Variants in AR observed in about 807,000 individuals in gnomAD.
AR encodes the protein dihydrotestosterone receptor.
AR carries 8 observed loss-of-function variants against 53.9 expected under a neutral mutation model. The observed-to-expected ratio is 0.15, with a 90% confidence interval of 0.09 to 0.27. The LOEUF (loss-of-function observed/expected upper bound fraction) is 0.27, where lower values mean the gene tolerates loss of function less well. Ranked by LOEUF, AR falls within the 10% of genes least tolerant of loss-of-function variation. The pLI, the probability that AR is intolerant of heterozygous loss-of-function variation, is 1.00. For synonymous variants in AR, 359 were observed against 316.4 expected (o/e 1.13, Z -1.43); for missense variants, 639 against 742.5 (o/e 0.86, Z 1.62).
intron 1 of AR, among the ~76,000 whole-genome samples, chrX:67,567,336 C>A (rs1425878437): frequency 9.0e-6 from 1 of 111,490 alleles, no homozygotes; most frequent in Admixed American, 9.5e-5. Flanking sequence ...CTTGTCATCT[C>A]TTTTTTACTT....
intron 1 of AR, among the ~76,000 whole-genome samples, chrX:67,608,370 C>G (rs1923726325): frequency 8.9e-6 from 1 of 112,028 alleles, no homozygotes; most frequent in Non-Finnish European, 1.9e-5. Flanking sequence ...CATTCTATCT[C>G]TATTCTCCTT....
chrX:67,685,150 CTG>C (rs1569305506), intron 2 of AR, among the ~76,000 whole-genome samples: 1 of 111,738 alleles, frequency 8.9e-6, no homozygotes, highest in Non-Finnish European at 1.9e-5. Context: ...GCTGGTGACT[CTG>C]TGTGTCTATG....
chrX:67,666,457 T>C (rs1927267127), intron 2 of AR, among the ~76,000 whole-genome samples: 5 of 112,210 alleles, frequency 4.5e-5, no homozygotes. Flanking sequence ...TTCATCCATT[T>C]GTCTGTTGAT....
At chrX:67,663,472 T>C (rs1363483031) in intron 2 of AR, among the ~76,000 whole-genome samples, 1 of 112,623 alleles carries the variant, frequency 8.9e-6, no homozygotes, top group East Asian at 2.8e-4. Flanking sequence ...TTCTGGCTTG[T>C]AGAGTTTCTG....
At chrX:67,681,814 A>AT (rs747004684) in intron 2 of AR, among the ~76,000 whole-genome samples, 1 of 112,261 alleles carries the variant, frequency 8.9e-6, no homozygotes, top group Admixed American at 9.4e-5. Flanking sequence ...ACAACCAAAA[A>AT]GTCTTTAAAA....
intron 3 of AR, among the ~76,000 whole-genome samples, chrX:67,697,943 T>C (rs753630212): frequency 8.9e-6 from 1 of 111,943 alleles, no homozygotes; most frequent in East Asian, 2.8e-4. Flanking sequence ...AGAATCTGCC[T>C]TCTACTCTCA....
At chrX:67,710,151 T>A (rs1336666968) in intron 3 of AR, among the ~76,000 whole-genome samples, 1 of 110,275 alleles carries the variant, frequency 9.1e-6, no homozygotes, top group Non-Finnish European at 1.9e-5. Context: ...AAAATCCAAT[T>A]CACTGTTCTT....
chrX:67,576,988 T>TTC (rs1297450807), intron 1 of AR, among the ~76,000 whole-genome samples: 8 of 107,150 alleles, frequency 7.5e-5, no homozygotes, highest in South Asian at 8.2e-4. Flanking sequence ...GTCAATGGGT[T>TTC]TCTCTCTCTC....
At position 67,633,274 on chromosome X, in the gene AR, C is replaced by T. The variant is rs192545889; in HGVS notation, c.1617-9982C>T. Among the ~76,000 whole-genome samples the T allele has an allele frequency of 1.1e-4, 12 of 111,608 alleles. 1 individual carries two copies. The South Asian group carries it at 2.7e-3, about 25-fold the overall frequency. On this transcript the variant is annotated intron_variant, in intron 1 of 7. Transcript: ENST00000374690. The stretch of plus-strand genomic sequence containing the variant: ...GTACCCAATAGGTAGTTTTTCTATC[C>T]TCACCCTCCTCCTACCCTCCACCAT...
intron 1 of AR, among the ~76,000 whole-genome samples, chrX:67,633,271 A>G (rs1188403003): frequency 2.7e-5 from 3 of 111,610 alleles, no homozygotes; most frequent in African/African-American, 9.8e-5. Context: ...TAGTTTTTCT[A>G]TCCTCACCCT....
intron 2 of AR, among the ~76,000 whole-genome samples, chrX:67,667,375 G>A (rs752380458): frequency 2.7e-5 from 3 of 111,161 alleles, no homozygotes; most frequent in Non-Finnish European, 3.8e-5. Context: ...TAGATGTATG[G>A]ACTTGTTTCT....
In AR at chrX:67,730,535, T is replaced by A. The variant is rs1023412372; in HGVS notation, c.*6694T>A. 6 of 172,538 alleles carry A rather than the reference T, an allele frequency of 3.5e-5. No homozygotes were observed. Among genetic ancestry groups the A allele is most frequent in the Non-Finnish European group, 4.5e-5 (4 of 89,724 alleles). 14.2% of individuals were successfully genotyped at this position (172,538 alleles called of 1,213,427 possible). A position where few individuals can be genotyped will look rare whatever the true frequency, so the allele number is the denominator to read the frequency against. On this transcript the variant is annotated 3_prime_UTR_variant, in exon 8 of 8. Coordinates refer to ENST00000374690, the MANE Select transcript of AR (RefSeq NM_000044.6). ...TTATGGCTGCAGGATCGAGTTATTGTTAACAAAGAGACCCAAGAAAAGCTG... is the reference window on the plus strand; with the variant it reads ...TTATGGCTGCAGGATCGAGTTATTGATAACAAAGAGACCCAAGAAAAGCTG...
At chrX:67,689,589 T>C in intron 3 of AR, 1 of 965,610 alleles carries the variant, frequency 1.0e-6, no homozygotes, top group African/African-American at 2.0e-5. Flanking sequence ...ATCTTGAGGG[T>C]GTTTGGAGTC....
At chrX:67,672,541 G>A (rs770419069) in intron 2 of AR, among the ~76,000 whole-genome samples, 1 of 109,235 alleles carries the variant, frequency 9.2e-6, no homozygotes, top group Admixed American at 9.9e-5. Context: ...AGGTTACCAT[G>A]AGGCTTGTAC....
At chrX:67,582,140 G>C (rs1489418789) in intron 1 of AR, among the ~76,000 whole-genome samples, 1 of 112,098 alleles carries the variant, frequency 8.9e-6, no homozygotes. Flanking sequence ...CAAAACTCTA[G>C]TGATAAATGT....
intron 2 of AR, among the ~76,000 whole-genome samples, chrX:67,668,718 C>G (rs1927385355): frequency 9.0e-6 from 1 of 111,223 alleles, no homozygotes; most frequent in South Asian, 3.7e-4. Flanking sequence ...CTTTTCATTA[C>G]AGCTTCAATC....
intron 1 of AR, among the ~76,000 whole-genome samples, chrX:67,557,340 T>G (rs1441263039): frequency 9.0e-6 from 1 of 111,651 alleles, no homozygotes; most frequent in Non-Finnish European, 1.9e-5. Flanking sequence ...ATTGCCAAGT[T>G]TTTGGTCTGA....
chrX:67,544,405 A>T lies in AR; in HGVS notation c.-742A>T, dbSNP rs1929608626. The T allele has an allele frequency of 1.2e-5, 1 of 85,456 alleles. No individual in the cohort carries two copies. Among genetic ancestry groups the T allele is most frequent in the African/African-American group, 5.7e-5 (1 of 17,684 alleles). 7.0% of individuals were successfully genotyped at this position (85,456 alleles called of 1,213,427 possible). A position where few individuals can be genotyped will look rare whatever the true frequency, so the allele number is the denominator to read the frequency against. ...CCGTCTTCTCTCCCGCAGCTGCCTC[A>T]GTCGGCTACTCTCAGCCAACCCCCC... is the stretch of plus-strand genomic sequence containing the variant. On this transcript the variant is annotated 5_prime_UTR_variant, in exon 1 of 8. Coordinates refer to ENST00000374690, the MANE Select transcript of AR (RefSeq NM_000044.6).
At chrX:67,652,593 C>A (rs1926395614) in intron 2 of AR, among the ~76,000 whole-genome samples, 1 of 111,705 alleles carries the variant, frequency 9.0e-6, no homozygotes, top group South Asian at 3.8e-4. Flanking sequence ...CCTGCCATTT[C>A]TAGTTTTCTG....
Sources: allele counts gnomAD v4.1 joint callset (sites outside exome capture counted in the v4.1 genomes callset), GRCh38; gene constraint gnomAD v4.1.1; transcripts MANE v1.5; gene names NCBI Gene and HGNC (gene_info 2026-07-23, HGNC 2026-07-21).